The following ARFGEF1 variants were observed in gnomAD, a reference collection of about 807,000 sequenced individuals.
ARFGEF1 encodes the protein brefeldin A-inhibited guanine nucleotide-exchange protein 1.
ARFGEF1 carries 42 observed loss-of-function variants against 231.0 expected under a neutral mutation model. The ratio of observed to expected loss-of-function variants is 0.18; its 90% CI spans 0.14 to 0.24. The LOEUF is 0.24. ARFGEF1 is among the 10% of genes least tolerant of loss of function. The pLI is 1.00. For missense variants in ARFGEF1, 1,345 were observed against 2,192.0 expected, an observed-to-expected ratio of 0.61 and a Z score of 7.72; for synonymous variants, 710 against 732.3, an observed-to-expected ratio of 0.97 and a Z score of 0.49.
intron 29 of ARFGEF1, among the ~76,000 whole-genome samples, chr8:67,222,264 TA>T (rs1839221332): frequency 7.0e-5 from 10 of 142,584 alleles, no homozygotes; most frequent in Admixed American, 6.4e-4. Context: ...TGTATGTATG[TA>T]TGTATTTTTT....
chr8:67,329,397 C>T (rs1001912187), intron 1 of ARFGEF1, among the ~76,000 whole-genome samples: 1 of 151,642 alleles, frequency 6.6e-6, no homozygotes, highest in Non-Finnish European at 1.5e-5. Context: ...GGCGTGGTGG[C>T]AGGTGCCTGT....
chr8:67,302,905 T>TAAAAAAAAAAAAAAAAAAAAAAA (rs1563902346), intron 1 of ARFGEF1, among the ~76,000 whole-genome samples: 2 of 100,252 alleles, frequency 2.0e-5, no homozygotes, highest in African/African-American at 7.7e-5. Flanking sequence ...ACCCCATCTC[T>TAAAAAAAAAAAAAAAAAAAAAAA]TAAAAAAAAA....
intron 1 of ARFGEF1, among the ~76,000 whole-genome samples, chr8:67,339,805 G>GGGGGGGGGGGGGGGGTTTTTTTTTT: frequency 1.1e-5 from 1 of 92,686 alleles, no homozygotes; most frequent in Non-Finnish European, 2.2e-5. Context: ...CGGGGGGGGG[G>GGGGGGGGGGGGGGGGTTTTTTTTTT]ATTCTTTCTT....
rs147415986 is a variant in ARFGEF1, at chr8:67,308,039, C to T, written c.125-5573G>A. Among the ~76,000 whole-genome samples the T allele has an allele frequency of 1.7e-4, 26 of 152,288 alleles. No individual in the cohort carries two copies. In the East Asian group the frequency reaches 4.4e-3, roughly 26 times the overall value. Reference sequence around the variant, plus strand: ...ACTTGGAGGCTACAAAAAATAGTTCCGTCACCAGTCCCAGCTGAGCCCAGC... The same window carrying T: ...ACTTGGAGGCTACAAAAAATAGTTCTGTCACCAGTCCCAGCTGAGCCCAGC... On this transcript the variant is annotated intron_variant, in intron 1 of 38. Coordinates refer to ENST00000262215, the MANE Select transcript of ARFGEF1 (RefSeq NM_006421.5).
chr8:67,330,029 C>G (rs1352783499), intron 1 of ARFGEF1, among the ~76,000 whole-genome samples: 1 of 151,668 alleles, frequency 6.6e-6, no homozygotes, highest in Non-Finnish European at 1.5e-5. Flanking sequence ...ATAATTTTAA[C>G]TTAGTGATAA....
chr8:67,217,880 C>T lies in ARFGEF1; in HGVS notation c.4515G>A (p.Glu1505=), dbSNP rs1838991355. 6.2e-7 allele frequency: 1 copy of T among 1,614,024 alleles called. No individual in the cohort carries two copies. Among genetic ancestry groups the T allele is most frequent in the Non-Finnish European group, 8.5e-7 (1 of 1,179,984 alleles). ...QLARSGTNCL[E]NVVILNGEKF... ...TTTCACCATTCAGAATAACAACATT[C>T]TCTAAACAGTTTGTACCAGATCGCG... The change falls in exon 32 of 39, where the codon GAG becomes GAA. Residue 1505 remains glutamate, a synonymous_variant. Coordinates refer to ENST00000262215, the MANE Select transcript of ARFGEF1 (RefSeq NM_006421.5).
At chr8:67,293,521 G>C (rs1563895273) in intron 5 of ARFGEF1, among the ~76,000 whole-genome samples, 2 of 152,144 alleles carry the variant, frequency 1.3e-5, no homozygotes. Flanking sequence ...CCACTACAGA[G>C]GAGAGTGACT....
chr8:67,243,540 C>T (rs1839996999), intron 19 of ARFGEF1, among the ~76,000 whole-genome samples: 1 of 152,146 alleles, frequency 6.6e-6, no homozygotes, highest in African/African-American at 2.4e-5. Context: ...TCTCTCATGA[C>T]ACATGGGAAT....
chr8:67,275,626 T>C lies in ARFGEF1; in HGVS notation c.1337+350A>G, dbSNP rs574264124. Reference sequence around the variant, plus strand: ...AAATAAGAATTCATTAATTCATTCATTTGGTAATACTTATTGAGCCCCTCC... The same window carrying C: ...AAATAAGAATTCATTAATTCATTCACTTGGTAATACTTATTGAGCCCCTCC... On this transcript the variant is annotated intron_variant, in intron 9 of 38. Transcript: ENST00000262215. Among the ~76,000 whole-genome samples, 5 of 152,244 alleles carry C rather than the reference T, an allele frequency of 3.3e-5. No individual in the cohort carries two copies. The South Asian group carries it at 6.2e-4, about 19-fold the overall frequency.
chr8:67,326,039 A>G (rs1387448018), intron 1 of ARFGEF1, among the ~76,000 whole-genome samples: 1 of 152,126 alleles, frequency 6.6e-6, no homozygotes, highest in East Asian at 1.9e-4. Flanking sequence ...TCTCTACTAA[A>G]AATATAAAAA....
chr8:67,241,407 G>C (rs1839922559), intron 19 of ARFGEF1, among the ~76,000 whole-genome samples: 1 of 152,056 alleles, frequency 6.6e-6, no homozygotes, highest in Admixed American at 6.5e-5. Flanking sequence ...TGGAGAAACA[G>C]TGTATCTATT....
At chr8:67,185,112 AAAAAAC>A (rs1372846767) in intron 5 of ARFGEF1, among the ~76,000 whole-genome samples, 2 of 150,842 alleles carry the variant, frequency 1.3e-5, no homozygotes, top group South Asian at 2.1e-4. Context: ...CTCAAAAAAA[AAAAAAC>A]AAAAACAAAC....
At chr8:67,210,548 T>G (rs1228542298) in intron 34 of ARFGEF1, among the ~76,000 whole-genome samples, 1 of 152,024 alleles carries the variant, frequency 6.6e-6, no homozygotes, top group Non-Finnish European at 1.5e-5. Flanking sequence ...CTTCACTACT[T>G]CCCGTTGCAG....
At chr8:67,323,572 G>C (rs1807693526) in intron 1 of ARFGEF1, among the ~76,000 whole-genome samples, 1 of 152,074 alleles carries the variant, frequency 6.6e-6, no homozygotes, top group Non-Finnish European at 1.5e-5. Context: ...CATTTTTGGT[G>C]AACAGATCCA....
chr8:67,252,282 CAAAAA>C (rs57653248), intron 18 of ARFGEF1, among the ~76,000 whole-genome samples: 10 of 21,872 alleles, frequency 4.6e-4, no homozygotes, highest in Non-Finnish European at 9.0e-4. Flanking sequence ...AACTCCATCT[CAAAAA>C]AAAAAAAAAA....
rs1205498024 is a variant in ARFGEF1 at position 67,197,708 on chromosome 8, G to A, written c.*1226C>T. The A allele has an allele frequency of 1.0e-6, 1 of 985,714 alleles. No individual in the cohort carries two copies. The highest frequency in any genetic ancestry group is 1.2e-6 in the Non-Finnish European group (1 of 829,830). The allele number at this position is 985,714 out of a possible 1,614,324, so 61.1% of individuals were successfully genotyped here. A position where few individuals can be genotyped will look rare whatever the true frequency, so the allele number is the denominator to read the frequency against. ...CAAAAACTTTATTGACCTATAACCT[G>A]ATTAGAATATGCCAGATGGGAATCA... On this transcript the variant is annotated 3_prime_UTR_variant, in exon 39 of 39. Coordinates refer to ENST00000262215, the MANE Select transcript of ARFGEF1 (RefSeq NM_006421.5).
chr8:67,210,657 T>C (rs2129577758), intron 34 of ARFGEF1, among the ~76,000 whole-genome samples: 1 of 152,224 alleles, frequency 6.6e-6, no homozygotes, highest in East Asian at 1.9e-4. Flanking sequence ...CAGGTGCTCG[T>C]TGGCGGAAAA....
At chr8:67,294,897 T>C (rs939859599) in intron 5 of ARFGEF1, among the ~76,000 whole-genome samples, 1 of 152,170 alleles carries the variant, frequency 6.6e-6, no homozygotes, top group African/African-American at 2.4e-5. Flanking sequence ...CTACAGCTCC[T>C]TATTGAAGTG....
In ARFGEF1 at chr8:67,293,110, T is replaced by C. The variant is rs1806079906; in HGVS notation, c.640-987A>G. 2.0e-5 allele frequency among the ~76,000 whole-genome samples: 3 copies of C among 152,134 alleles called. No homozygotes were observed. The South Asian group carries it at 6.2e-4, about 32-fold the overall frequency. ...ATCTGGCTTAGAAGATTTTAGCAAATGTGGAAGTTAAGTCGTCTGTATCCC... is the reference window on the plus strand; with the variant it reads ...ATCTGGCTTAGAAGATTTTAGCAAACGTGGAAGTTAAGTCGTCTGTATCCC... On this transcript the variant is annotated intron_variant, in intron 5 of 38. Transcript: ENST00000262215.
Sources: gnomAD v4.1 joint callset for allele counts (sites outside exome capture counted in the v4.1 genomes callset) on GRCh38, gnomAD v4.1.1 for gene constraint, MANE v1.5 for transcripts, NCBI Gene and HGNC (gene_info 2026-07-23, HGNC 2026-07-21) for gene names.